Variants in AIRIM observed in about 807,000 individuals in gnomAD.
AIRIM encodes the protein AFG2-interacting ribosome maturation factor.
chr1:37,687,167 G>A, the AIRIM span, among the ~76,000 whole-genome samples: 213 of 150,570 alleles, frequency 1.4e-3, no homozygotes, highest in Non-Finnish European at 2.0e-3. Flanking sequence ...CGTTCTTGTC[G>A]CCCAGGCTGG....
the AIRIM span, among the ~76,000 whole-genome samples, chr1:37,684,403 G>A: frequency 2.0e-5 from 3 of 152,120 alleles, no homozygotes; most frequent in Non-Finnish European, 4.4e-5. Context: ...TGGGAGGCCT[G>A]AGGTCAGGAG....
At chr1:37,689,477 G>T in the AIRIM span, 1 of 1,127,440 alleles carries the variant, frequency 8.9e-7, no homozygotes. Flanking sequence ...ATGAAGTAAG[G>T]AAGGTTGAGA....
At chr1:37,689,956 G>T in the AIRIM span, 3 of 1,473,982 alleles carry the variant, frequency 2.0e-6, no homozygotes, top group African/African-American at 1.4e-5. Flanking sequence ...CTGGGTCGAG[G>T]GTGGGCGTCA....
At chr1:37,690,184 T>C in the AIRIM span, 4 of 1,168,132 alleles carry the variant, frequency 3.4e-6, no homozygotes, top group Middle Eastern at 9.4e-4. Context: ...GCCTGGCTAA[T>C]TTTTGTATTT....
chr1:37,683,087 T>A, the AIRIM span: 1 of 1,596,886 alleles, frequency 6.3e-7, no homozygotes, highest in African/African-American at 1.3e-5. Context: ...AGTCTTCAAC[T>A]GTGGTACCCG....
the AIRIM span, among the ~76,000 whole-genome samples, chr1:37,688,214 A>C: frequency 6.6e-6 from 1 of 151,784 alleles, no homozygotes; most frequent in Non-Finnish European, 1.5e-5. Flanking sequence ...GTGCCACGAC[A>C]GCCAGTTAAC....
chr1:37,686,558 G>T, the AIRIM span: 3 of 1,143,582 alleles, frequency 2.6e-6, no homozygotes, highest in Admixed American at 2.2e-5. Flanking sequence ...TCTCTGTTGT[G>T]AAGGGCTGCC....
At chr1:37,692,221 TG>T in the AIRIM span, 1 of 185,376 alleles carries the variant, frequency 5.4e-6, no homozygotes, top group South Asian at 9.3e-5. Flanking sequence ...CTCCAGAGCT[TG>T]GGGTATTGCA....
At chr1:37,686,350 C>A in the AIRIM span, 1 of 1,614,080 alleles carries the variant, frequency 6.2e-7, no homozygotes, top group South Asian at 1.1e-5. Context: ...CTGAAGGCTG[C>A]AGGACAGCAT....
chr1:37,689,804 C>A, the AIRIM span: 1 of 1,610,872 alleles, frequency 6.2e-7, no homozygotes, highest in Middle Eastern at 1.7e-4. Context: ...CTGCCACAGG[C>A]CCTGCTGCTC....
chr1:37,684,243 T>G, the AIRIM span: 1 of 152,336 alleles, frequency 6.6e-6, no homozygotes, highest in Non-Finnish European at 1.5e-5. Context: ...TGTGTAAACA[T>G]TCTAGCACAT....
the AIRIM span, among the ~76,000 whole-genome samples, chr1:37,687,112 A>G: frequency 5.2e-4 from 64 of 122,260 alleles, no homozygotes; most frequent in Middle Eastern, 4.0e-3. Context: ...GTGTGTGTGT[A>G]TAGTTTTTGT....
the AIRIM span, among the ~76,000 whole-genome samples, chr1:37,689,182 T>C: frequency 0.53 from 80,698 of 151,930 alleles, 22,153 homozygotes; most frequent in East Asian, 0.72. Context: ...CTGCTTAAGC[T>C]TCAGTTTCCT....
the AIRIM span, chr1:37,682,849 G>A: frequency 2.5e-5 from 10 of 404,932 alleles, no homozygotes; most frequent in East Asian, 2.3e-4. Context: ...CTTCAGCACC[G>A]TCTTTCCTGT....
chr1:37,683,676 T>C, the AIRIM span: 1 of 430,050 alleles, frequency 2.3e-6, no homozygotes, highest in Admixed American at 4.0e-5. Context: ...CTCAGCATGG[T>C]GAGGACAAAA....
At chr1:37,686,764 G>A in the AIRIM span, among the ~76,000 whole-genome samples, 3 of 152,150 alleles carry the variant, frequency 2.0e-5, no homozygotes, top group Admixed American at 6.5e-5. Context: ...TTGGAGGTAC[G>A]GGTGGCTCAA....
At chr1:37,682,609 T>A in the AIRIM span, 1 of 153,032 alleles carries the variant, frequency 6.5e-6, no homozygotes, top group East Asian at 1.9e-4. Flanking sequence ...CTATTGCAAT[T>A]GGTCAAAATT....
the AIRIM span, chr1:37,690,392 C>T: frequency 7.8e-7 from 1 of 1,289,776 alleles, no homozygotes; most frequent in Non-Finnish European, 1.0e-6. Context: ...CGTCTCTTCT[C>T]TGACATACAG....
chr1:37,689,979 T>C, the AIRIM span: 42 of 1,451,582 alleles, frequency 2.9e-5, no homozygotes, highest in Non-Finnish European at 3.6e-5. Context: ...TCTGTTATCG[T>C]GTTCAGACAG....
Sources: allele counts gnomAD v4.1 joint callset (sites outside exome capture counted in the v4.1 genomes callset), GRCh38; gene constraint gnomAD v4.1.1; transcripts MANE v1.5; gene names NCBI Gene and HGNC (gene_info 2026-07-23, HGNC 2026-07-21).